TNNI3K: variants seen among roughly 807,000 people sequenced by gnomAD.
TNNI3K encodes the protein serine/threonine-protein kinase TNNI3K.
In TNNI3K, 140 loss-of-function variants were observed where a neutral mutation model predicts 114.5. The ratio of observed to expected loss-of-function variants is 1.22; its 90% CI spans 1.07 to 1.41. The LOEUF (loss-of-function observed/expected upper bound fraction) is 1.41. TNNI3K is among the 40% of genes most tolerant of loss of function. The pLI is 0.00. For synonymous variants in TNNI3K, 347 were observed against 347.5 expected, an observed-to-expected ratio of 1.00 and a Z score of 0.02; for missense variants, 1,125 against 1,007.6, an observed-to-expected ratio of 1.12 and a Z score of -1.58.
At chr1:74,467,170 TAGG>T (rs1667716309) in intron 21 of TNNI3K, among the ~76,000 whole-genome samples, 1 of 152,104 alleles carries the variant, frequency 6.6e-6, no homozygotes, top group African/African-American at 2.4e-5. Context: ...GAAAATTCAT[TAGG>T]AGAACAGATA....
chr1:74,492,026 C>T (rs1358739621), intron 22 of TNNI3K, 71 bp from the exon 23 acceptor site: 1 of 1,385,100 alleles, frequency 7.2e-7, no homozygotes. Flanking sequence ...AAAGTTAAAT[C>T]CATATTTTAT....
At chr1:74,506,369 G>A (rs1011356190) in intron 23 of TNNI3K, among the ~76,000 whole-genome samples, 5 of 152,146 alleles carry the variant, frequency 3.3e-5, no homozygotes, top group Non-Finnish European at 7.3e-5. Flanking sequence ...GCCTGCCCAA[G>A]GCTTTGTAAC....
intron 17 of TNNI3K, among the ~76,000 whole-genome samples, chr1:74,425,681 G>T (rs1377103676): frequency 6.6e-6 from 1 of 152,044 alleles, no homozygotes; most frequent in Admixed American, 6.6e-5. Flanking sequence ...TACTATGAAA[G>T]CCGGGATGAG....
chr1:74,271,535 G>A lies in TNNI3K; in HGVS notation c.334-63G>A, dbSNP rs754504050. On this transcript the variant is annotated intron_variant, in intron 4 of 24. Transcript: ENST00000326637. ...GATAGGCAGAAAATCAATACATCCTGTTGCACAGCTTTTGAACCTGTTATT... is the reference window on the plus strand; with the variant it reads ...GATAGGCAGAAAATCAATACATCCTATTGCACAGCTTTTGAACCTGTTATT... 1.0e-5 allele frequency: 15 copies of A among 1,466,208 alleles called. No homozygotes were observed. In the Admixed American group the frequency reaches 2.6e-4, roughly 25 times the overall value. 90.8% of individuals were successfully genotyped at this position (1,466,208 alleles called of 1,614,324 possible).
intron 21 of TNNI3K, among the ~76,000 whole-genome samples, chr1:74,478,226 C>A (rs192498765): frequency 8.5e-5 from 13 of 152,228 alleles, no homozygotes; most frequent in African/African-American, 2.9e-4. Context: ...AAAGAAGAAT[C>A]TCTTCTCAAA....
chr1:74,418,418 T>G (rs190143166), intron 17 of TNNI3K: 2 of 160,588 alleles, frequency 1.2e-5, no homozygotes, highest in Admixed American at 1.3e-4. Flanking sequence ...CTTTTTTTTC[T>G]TTTGTGATAA....
intron 17 of TNNI3K, among the ~76,000 whole-genome samples, chr1:74,412,470 T>C (rs1474064084): frequency 6.6e-6 from 1 of 152,176 alleles, no homozygotes; most frequent in Non-Finnish European, 1.5e-5. Flanking sequence ...AAGCCCAAGC[T>C]GGGAGTAAGG....
rs1667900419 is a variant in TNNI3K, at chr1:74,471,007, AC to A, written c.2121+7458del. ...CCAAGTAGTTGCTAAATAACTAAGC[AC>A]TTTTGATTCAAGCTGAGTTGCATCT... On this transcript the variant is annotated intron_variant, in intron 21 of 24. Transcript: ENST00000326637. 15 of 400,700 alleles carry A rather than the reference AC, an allele frequency of 3.7e-5. No homozygotes were observed. In the East Asian group the frequency reaches 5.3e-4, roughly 14 times the overall value. 24.8% of individuals were successfully genotyped at this position (400,700 alleles called of 1,614,324 possible).
At chr1:74,426,986 C>T (rs901205779) in intron 17 of TNNI3K, among the ~76,000 whole-genome samples, 4 of 152,102 alleles carry the variant, frequency 2.6e-5, no homozygotes, top group African/African-American at 9.7e-5. Context: ...GGAGGAAAAA[C>T]AGCTCTTCCT....
intron 5 of TNNI3K, among the ~76,000 whole-genome samples, chr1:74,326,756 G>A (rs1659927257): frequency 6.6e-6 from 1 of 152,106 alleles, no homozygotes; most frequent in Non-Finnish European, 1.5e-5. Context: ...AACTGAGCTT[G>A]GTCATGAGAC....
intron 4 of TNNI3K, among the ~76,000 whole-genome samples, chr1:74,266,896 C>T (rs1656028458): frequency 6.6e-6 from 1 of 151,924 alleles, no homozygotes; most frequent in Non-Finnish European, 1.5e-5. Flanking sequence ...TTCTATTTCT[C>T]AAGGATATAG....
intron 19 of TNNI3K, 88 bp from the exon 20 acceptor site, chr1:74,439,402 C>T: frequency 6.5e-7 from 1 of 1,540,690 alleles, no homozygotes. Context: ...CGGGAGAACA[C>T]AGTAAATTCT....
intron 17 of TNNI3K, among the ~76,000 whole-genome samples, chr1:74,428,476 T>C (rs1665739212): frequency 6.6e-6 from 1 of 152,094 alleles, no homozygotes; most frequent in African/African-American, 2.4e-5. Context: ...AAGTCTACAT[T>C]TGAGGTTCTC....
chr1:74,442,667 A>G (rs978681368), intron 20 of TNNI3K, among the ~76,000 whole-genome samples: 10 of 152,066 alleles, frequency 6.6e-5, no homozygotes. Flanking sequence ...TAGCATACAA[A>G]CCTTGCATAT....
intron 18 of TNNI3K, 145 bp downstream of exon 18, chr1:74,436,277 C>A: frequency 8.0e-7 from 1 of 1,253,136 alleles, no homozygotes; most frequent in Non-Finnish European, 1.1e-6. Context: ...ATAAATCATT[C>A]AAATTTCAAT....
intron 4 of TNNI3K, among the ~76,000 whole-genome samples, chr1:74,263,852 A>G (rs1655813947): frequency 6.6e-6 from 1 of 152,032 alleles, no homozygotes; most frequent in African/African-American, 2.4e-5. Flanking sequence ...AATAGATATT[A>G]TGTTATAGCT....
chr1:74,454,286 A>T (rs916576101), intron 20 of TNNI3K, among the ~76,000 whole-genome samples: 2 of 152,120 alleles, frequency 1.3e-5, no homozygotes, highest in Admixed American at 1.3e-4. Flanking sequence ...TAGTCACTCC[A>T]TTATGCTACT....
chr1:74,368,977 T>C (rs756147511), intron 13 of TNNI3K, 45 bp from the exon 14 acceptor site: 1 of 1,510,922 alleles, frequency 6.6e-7, no homozygotes, highest in Non-Finnish European at 9.0e-7. Context: ...CATCCATGTG[T>C]GTGGTTTTTA....
In TNNI3K at chr1:74,342,930, T is replaced by A. The variant is rs774239300; in HGVS notation, c.771T>A (p.Ser257Arg). 4.3e-6 allele frequency: 7 copies of A among 1,613,960 alleles called. No homozygotes were observed. The highest frequency in any genetic ancestry group is 2.5e-6 in the Non-Finnish European group (3 of 1,179,918). Residue 257 changes from serine (S) to arginine (R), a missense_variant, in exon 8 of 25, where the codon AGT becomes AGA. By Grantham distance (110) the Ser-to-Arg change is moderately radical. Transcript: ENST00000326637. ...HHDIVKYLLQ[S>R]DLEVQPHVVN... The stretch of plus-strand genomic sequence containing the variant: ...ATATAGTTAAGTATCTGCTGCAAAG[T>A]GATTTGGAAGTTCAACCTCATGTTG...
Sources: allele counts gnomAD v4.1 joint callset (sites outside exome capture counted in the v4.1 genomes callset), GRCh38; gene constraint gnomAD v4.1.1; transcripts MANE v1.5; gene names NCBI Gene and HGNC (gene_info 2026-07-23, HGNC 2026-07-21).